Variants in PABIR3 observed in about 807,000 individuals in gnomAD.
PABIR3 encodes PABIR family member 3.
Under a neutral mutation model 23.1 loss-of-function variants are expected in PABIR3, and 20 were observed. That is an observed-to-expected ratio of 0.86 (90% CI 0.61 to 1.26). The LOEUF (loss-of-function observed/expected upper bound fraction) is 1.26. PABIR3 is among the 50% of genes most tolerant of loss of function. The pLI is 0.00. For synonymous variants in PABIR3, 69 were observed against 68.5 expected, an observed-to-expected ratio of 1.01 and a Z score of -0.04; for missense variants, 189 against 195.4, an observed-to-expected ratio of 0.97 and a Z score of 0.20.
upstream of PABIR3, among the ~76,000 whole-genome samples, chrX:134,805,330 T>TA (rs888238635): frequency 1.8e-5 from 2 of 111,991 alleles, no homozygotes; most frequent in Admixed American, 1.9e-4. Context: ...TGGCACATAG[T>TA]AAGTGCCCAA....
At chrX:134,821,551 G>T (rs2081298116) in intron 3 of PABIR3, 6 of 1,150,638 alleles carry the variant, frequency 5.2e-6, no homozygotes, top group Non-Finnish European at 6.9e-6. Context: ...GGAAGCAGGG[G>T]AAATGTCTCA....
At chrX:134,826,500 A>G (rs981102442) in intron 3 of PABIR3, among the ~76,000 whole-genome samples, 1 of 111,709 alleles carries the variant, frequency 9.0e-6, no homozygotes, top group African/African-American at 3.2e-5. Flanking sequence ...GTCTCTGAGT[A>G]ATAACTGAGG....
At chrX:134,837,137 G>T (rs942121135) in intron 4 of PABIR3, among the ~76,000 whole-genome samples, 1 of 111,023 alleles carries the variant, frequency 9.0e-6, no homozygotes, top group African/African-American at 3.3e-5. Context: ...CCTGAGGTCA[G>T]GAGTTCGAGA....
At chrX:134,846,694 A>G (rs888390548) in intron 6 of PABIR3, among the ~76,000 whole-genome samples, 1 of 112,157 alleles carries the variant, frequency 8.9e-6, no homozygotes, top group Non-Finnish European at 1.9e-5. Flanking sequence ...GAGTAGGTCC[A>G]GGAGAATGAG....
intron 4 of PABIR3, chrX:134,838,665 C>T (rs2082067139): frequency 8.8e-5 from 1 of 11,365 alleles, no homozygotes; most frequent in Non-Finnish European, 1.5e-4. Flanking sequence ...CCCCTCCCCC[C>T]TCCCCCCCTC....
intron 4 of PABIR3, chrX:134,835,141 A>G (rs1007578560): frequency 9.1e-6 from 1 of 110,084 alleles, no homozygotes; most frequent in Non-Finnish European, 1.9e-5. Context: ...GCTCACTGCA[A>G]CGTCTGCCTC....
chrX:134,840,942 A>G (rs1489884777), intron 4 of PABIR3, among the ~76,000 whole-genome samples: 1 of 109,147 alleles, frequency 9.2e-6, no homozygotes, highest in Non-Finnish European at 1.9e-5. Flanking sequence ...TTGAAGGACT[A>G]GGTCAAATAT....
At chrX:134,800,795 A>T (rs1345324020) in intron 1 of PABIR3, among the ~76,000 whole-genome samples, 4 of 112,306 alleles carry the variant, frequency 3.6e-5, no homozygotes, top group Admixed American at 9.4e-5. Flanking sequence ...CCTCAAAAAA[A>T]TAAAAAGGAA....
chrX:134,861,766 C>T, the PABIR3 span, among the ~76,000 whole-genome samples: 2 of 110,040 alleles, frequency 1.8e-5, no homozygotes, highest in South Asian at 3.9e-4. Context: ...AATAAGTACA[C>T]ATATCCTGAA....
At chrX:134,862,959 T>C in the PABIR3 span, among the ~76,000 whole-genome samples, 1 of 112,219 alleles carries the variant, frequency 8.9e-6, no homozygotes, top group Non-Finnish European at 1.9e-5. Flanking sequence ...TCCATAAATC[T>C]TTCTTCCTCT....
At position 134,832,394 on chromosome X, in the gene PABIR3, CTTTTTTTT is replaced by C. The variant is rs1162024470; in HGVS notation, c.246+3132_246+3139del. Among the ~76,000 whole-genome samples the C allele has an allele frequency of 6.7e-3, 512 of 76,965 alleles. 1 individual carries two copies. Among genetic ancestry groups the C allele is most frequent in the African/African-American group, 0.031 (489 of 15,861 alleles). The allele number at this position is 76,965 out of a possible 115,157, so 66.8% of individuals were successfully genotyped here. A position where few individuals can be genotyped will look rare whatever the true frequency, so the allele number is the denominator to read the frequency against. On this transcript the variant is annotated intron_variant, in intron 4 of 10. Coordinates refer to ENST00000645433, the MANE Select transcript of PABIR3 (RefSeq NM_001388447.1). ...CATGTTGCTACAAACGACTGGATCC[CTTTTTTTT>C]TTTTTTTTTTTTTTTTTTTGAGACA...
rs764928413 is a variant in PABIR3, at chrX:134,807,707, G to A, written c.109G>A (p.Gly37Ser). The change falls in exon 2 of 11, where the codon GGT becomes AGT. Residue 37 changes from glycine (G) to serine (S), a missense_variant and splice_region_variant. Transcript: ENST00000645433. ...CAGTGCCCCTTTGATCAATGGACTT[G>A]GGTGAGCCGGGTTGAGATACTGGAG... ...VNSAPLINGL[G>S]FNSQVLQADM... 8.5e-7 allele frequency: 1 copy of A among 1,175,102 alleles called. No individual in the cohort carries two copies. Among genetic ancestry groups the A allele is most frequent in the Non-Finnish European group, 1.1e-6 (1 of 872,312 alleles).
chrX:134,829,305 C>G, intron 4 of PABIR3, 23 bp downstream of exon 4: 1 of 1,162,487 alleles, frequency 8.6e-7, no homozygotes, highest in Non-Finnish European at 1.2e-6. Context: ...TCCAAACTGA[C>G]AGCTGTTCAT....
Position 134,822,665 on chromosome X carries a change from T to C in PABIR3, c.190-6561T>C, listed in dbSNP as rs190295899. ...TTCTAGGGAAGTCTTTCATCATTAT[T>C]TTATGAAGGAAATTTGCCATACCAT... On this transcript the variant is annotated intron_variant, in intron 3 of 10. Coordinates refer to ENST00000645433, the MANE Select transcript of PABIR3 (RefSeq NM_001388447.1). 4 of 743,136 alleles carry C rather than the reference T, an allele frequency of 5.4e-6. No individual in the cohort carries two copies. The East Asian group carries it at 6.1e-4, about 113-fold the overall frequency. 61.2% of individuals were successfully genotyped at this position (743,136 alleles called of 1,213,427 possible). A position where few individuals can be genotyped will look rare whatever the true frequency, so the allele number is the denominator to read the frequency against.
rs758984293 is a variant in PABIR3, at chrX:134,854,269, T to C, written c.*52T>C. 224 of 1,156,105 alleles carry C rather than the reference T, an allele frequency of 1.9e-4. No homozygotes were observed. Among genetic ancestry groups the C allele is most frequent in the Middle Eastern group, 2.4e-4 (1 of 4,250 alleles). ...ACCCATCCCAAGACTTTCTCACCAGTGGAGAAACACACACATCAAGCAAAC... is the reference window on the plus strand; with the variant it reads ...ACCCATCCCAAGACTTTCTCACCAGCGGAGAAACACACACATCAAGCAAAC... On this transcript the variant is annotated 3_prime_UTR_variant, in exon 11 of 11. Coordinates refer to ENST00000645433, the MANE Select transcript of PABIR3 (RefSeq NM_001388447.1).
At chrX:134,811,019 T>C (rs765699454) in intron 2 of PABIR3, 3 of 754,463 alleles carry the variant, frequency 4.0e-6, no homozygotes, top group Non-Finnish European at 4.7e-6. Flanking sequence ...GAACTTTGCT[T>C]GATGTTTCTT....
chrX:134,813,972 GTTT>G (rs746765171), intron 2 of PABIR3, among the ~76,000 whole-genome samples: 1 of 96,960 alleles, frequency 1.0e-5, no homozygotes, highest in Non-Finnish European at 2.1e-5. Flanking sequence ...GAATCTGGGT[GTTT>G]TTTTTTTTTT....
chrX:134,808,104 G>T (rs1469491286), intron 2 of PABIR3: 22 of 296,385 alleles, frequency 7.4e-5, no homozygotes, highest in Non-Finnish European at 1.3e-4. Flanking sequence ...TGTCATTTCA[G>T]CTGCTTTGTC....
In PABIR3 at chrX:134,807,558, GGGAGCC is replaced by G; in HGVS notation, c.-37_-32del. The G allele has an allele frequency of 8.3e-7, 1 of 1,208,382 alleles. No individual in the cohort carries two copies. The highest frequency in any genetic ancestry group is 3.0e-5 in the East Asian group (1 of 33,721). ...TAAGTAGACTTGTCCTTGTGTGGACGGGAGCCGGAAAGCCTTGAGAACTTATTCCTC... is the reference window on the plus strand; with the variant it reads ...TAAGTAGACTTGTCCTTGTGTGGACGGGAAAGCCTTGAGAACTTATTCCTC... On this transcript the variant is annotated 5_prime_UTR_variant, in exon 2 of 11. Coordinates refer to ENST00000645433, the MANE Select transcript of PABIR3 (RefSeq NM_001388447.1).
Sources: allele counts gnomAD v4.1 joint callset (sites outside exome capture counted in the v4.1 genomes callset), GRCh38; gene constraint gnomAD v4.1.1; transcripts MANE v1.5; gene names NCBI Gene and HGNC (gene_info 2026-07-23, HGNC 2026-07-21).